SPATA16: variants seen among roughly 807,000 people sequenced by gnomAD.
SPATA16 encodes the protein spermatogenesis associated 16.
In SPATA16, 36 loss-of-function variants were observed where a neutral mutation model predicts 63.3. That is an observed-to-expected ratio of 0.57 (90% CI 0.44 to 0.75). The LOEUF (loss-of-function observed/expected upper bound fraction) is 0.75. Among genes scored for constraint, SPATA16 ranks in the 30% least tolerant of loss-of-function variants. SPATA16 has a pLI of 0.00. For synonymous variants in SPATA16, 203 were observed against 216.7 expected (o/e 0.94, Z 0.56); for missense variants, 646 against 679.3 (o/e 0.95, Z 0.54).
intron 2 of SPATA16, among the ~76,000 whole-genome samples, chr3:173,101,722 C>G (rs931624352): frequency 6.6e-6 from 1 of 152,160 alleles, no homozygotes; most frequent in African/African-American, 2.4e-5. Context: ...GCAACCCAAT[C>G]CCATGAAATT....
In SPATA16 at chr3:172,913,704, C is replaced by T; in HGVS notation, c.1544G>A (p.Gly515Glu). The change falls in exon 10 of 11, where the codon GGA becomes GAA. Residue 515 changes from glycine to glutamate, a missense_variant. Gly to Glu is a moderately conservative substitution (Grantham distance 98). Transcript: ENST00000351008. ...LMADAMDTLE[G>E]RRNNNERVWN... The stretch of plus-strand genomic sequence containing the variant: ...CACACGTTCATTATTGTTTCTTCTT[C>T]CTTCAAGGGTGTCCATAGCATCTGC... 6.2e-7 allele frequency: 1 copy of T among 1,613,784 alleles called. No individual in the cohort carries two copies. Among genetic ancestry groups the T allele is most frequent in the Non-Finnish European group, 8.5e-7 (1 of 1,179,818 alleles).
At chr3:172,935,934 G>A (rs1351946007) in intron 6 of SPATA16, among the ~76,000 whole-genome samples, 1 of 152,172 alleles carries the variant, frequency 6.6e-6, no homozygotes, top group East Asian at 1.9e-4. Context: ...CTCTGGGGAA[G>A]GATGCAAAAT....
rs1022237408 is a variant in SPATA16, at chr3:173,090,892, T to A, written c.612+26228A>T. ...CAAGATTGCATGTAATCACTACACA[T>A]GTAGAGTATAAATACAATTTAGTTT... On this transcript the variant is annotated intron_variant, in intron 2 of 10. Coordinates refer to ENST00000351008, the MANE Select transcript of SPATA16 (RefSeq NM_031955.6). Among the ~76,000 whole-genome samples, 13 of 152,314 alleles carry A rather than the reference T, an allele frequency of 8.5e-5. No individual in the cohort carries two copies. In the Middle Eastern group the frequency reaches 0.01, roughly 120 times the overall value.
chr3:172,919,049 T>A (rs1290546859), intron 8 of SPATA16, among the ~76,000 whole-genome samples: 3 of 152,236 alleles, frequency 2.0e-5, no homozygotes, highest in Non-Finnish European at 4.4e-5. Flanking sequence ...ATGTAAACAT[T>A]TTTTATGCTT....
At chr3:173,129,864 GC>G (rs1430271879) in intron 1 of SPATA16, among the ~76,000 whole-genome samples, 3 of 152,022 alleles carry the variant, frequency 2.0e-5, no homozygotes, top group Non-Finnish European at 4.4e-5. Flanking sequence ...AGCAAATAAT[GC>G]ATGATCCACT....
chr3:173,056,656 A>AT (rs1289069377), intron 2 of SPATA16, among the ~76,000 whole-genome samples: 2 of 139,828 alleles, frequency 1.4e-5, no homozygotes. Flanking sequence ...GTAAGCCGAG[A>AT]TAGTGCCATT....
chr3:173,113,762 A>C (rs867221751), intron 2 of SPATA16, among the ~76,000 whole-genome samples: 6 of 152,198 alleles, frequency 3.9e-5, no homozygotes, highest in Non-Finnish European at 7.4e-5. Flanking sequence ...TAAATATTTA[A>C]ATGCCTCCAG....
intron 10 of SPATA16, among the ~76,000 whole-genome samples, chr3:172,902,973 T>C (rs768843073): frequency 1.3e-5 from 2 of 152,224 alleles, no homozygotes; most frequent in African/African-American, 2.4e-5. Context: ...GTATAATGAA[T>C]ACACTACAAA....
In SPATA16 at chr3:172,970,331, C is replaced by T. The variant is rs189369249; in HGVS notation, c.933+6637G>A. Among the ~76,000 whole-genome samples, 519 of 152,236 alleles carry T rather than the reference C, an allele frequency of 3.4e-3. 1 individual carries two copies. The highest frequency in any genetic ancestry group is 6.8e-3 in the Middle Eastern group (2 of 294). On this transcript the variant is annotated intron_variant, in intron 5 of 10. Coordinates refer to ENST00000351008, the MANE Select transcript of SPATA16 (RefSeq NM_031955.6). ...GTCAAATTTTCTCATTAGATCTTAC[C>T]TTTCCCTATATCTTATTCTTATAGA...
At chr3:172,913,936 A>T (rs1732425839) in intron 9 of SPATA16, among the ~76,000 whole-genome samples, 192 bp from the exon 10 acceptor site, 1 of 152,210 alleles carries the variant, frequency 6.6e-6, no homozygotes, top group Admixed American at 6.5e-5. Flanking sequence ...AAAATACTGA[A>T]ACAATGAAAA....
chr3:172,950,129 C>T (rs9836333), intron 6 of SPATA16, among the ~76,000 whole-genome samples: 5,055 of 152,178 alleles, frequency 0.033, 269 homozygotes, highest in African/African-American at 0.12. Context: ...AGTCAGATCC[C>T]GTAAGACAAT....
chr3:172,897,891 T>G (rs1472141747), intron 10 of SPATA16, among the ~76,000 whole-genome samples: 1 of 152,054 alleles, frequency 6.6e-6, no homozygotes, highest in East Asian at 1.9e-4. Flanking sequence ...ACTATAGAAT[T>G]TTTGGAGGTG....
intron 4 of SPATA16, among the ~76,000 whole-genome samples, chr3:172,999,444 C>T (rs71310532): frequency 0.066 from 10,056 of 151,644 alleles, 500 homozygotes; most frequent in East Asian, 0.12. Context: ...GGCAGAGTCT[C>T]GCTCTTTCAT....
chr3:172,923,461 CA>C (rs1732659583), intron 8 of SPATA16, among the ~76,000 whole-genome samples: 2 of 152,144 alleles, frequency 1.3e-5, no homozygotes, highest in Admixed American at 6.5e-5. Flanking sequence ...GTAAGAACAT[CA>C]AATCAATGAT....
At chr3:173,133,840 T>G (rs763206187) in intron 1 of SPATA16, among the ~76,000 whole-genome samples, 19 of 152,146 alleles carry the variant, frequency 1.2e-4, no homozygotes, top group Non-Finnish European at 2.2e-4. Context: ...CTGTGTAACA[T>G]AAGCCACAAA....
chr3:173,100,476 G>A (rs1385878985), intron 2 of SPATA16, among the ~76,000 whole-genome samples: 3 of 151,962 alleles, frequency 2.0e-5, no homozygotes, highest in Non-Finnish European at 4.4e-5. Flanking sequence ...CACTATAAAG[G>A]CATCAGAAAG....
intron 2 of SPATA16, among the ~76,000 whole-genome samples, chr3:173,081,866 T>C (rs1736931820): frequency 6.6e-6 from 1 of 152,238 alleles, no homozygotes; most frequent in South Asian, 2.1e-4. Context: ...GGATTTAGCT[T>C]CATACAGATA....
rs762017484 is a variant in SPATA16 at position 173,117,149 on chromosome 3, C to T, written c.583G>A (p.Ala195Thr). 29 of 1,614,064 alleles carry T rather than the reference C, an allele frequency of 1.8e-5. No homozygotes were observed. The highest frequency in any genetic ancestry group is 2.3e-5 in the Non-Finnish European group (27 of 1,179,958). The change falls in exon 2 of 11, where the codon GCA (alanine) becomes ACA (threonine). Residue 195 changes from alanine to threonine, a missense_variant. Transcript: ENST00000351008. ...AGTGCTGTTCTGAACTGTCCTGCTGCCAAGGCGTATTTCTTTTGTCTATAG... is the reference window on the plus strand; with the variant it reads ...AGTGCTGTTCTGAACTGTCCTGCTGTCAAGGCGTATTTCTTTTGTCTATAG... ...SCYRQKKYAL[A>T]AGQFRTALEL...
At chr3:173,010,467 T>TGTG (rs1237911658) in intron 4 of SPATA16, among the ~76,000 whole-genome samples, 1 of 151,546 alleles carries the variant, frequency 6.6e-6, no homozygotes, top group Non-Finnish European at 1.5e-5. Context: ...TGTGTGTGTG[T>TGTG]GTGTTTGTTT....
Sources: allele counts gnomAD v4.1 joint callset (sites outside exome capture counted in the v4.1 genomes callset), GRCh38; gene constraint gnomAD v4.1.1; transcripts MANE v1.5; gene names NCBI Gene and HGNC (gene_info 2026-07-23, HGNC 2026-07-21).